The following ACSS1 variants were observed in gnomAD, a reference collection of about 807,000 sequenced individuals.
ACSS1 encodes acetyl-coenzyme A synthetase 2-like, mitochondrial.
ACSS1 carries 42 observed loss-of-function variants against 75.3 expected under a neutral mutation model. The observed-to-expected ratio is 0.56, with a 90% CI of 0.44 to 0.72. ACSS1 has a LOEUF of 0.72. Among genes scored for constraint, ACSS1 ranks in the 30% least tolerant of loss-of-function variants. The probability of loss-of-function intolerance (pLI) is 0.00; values close to 1 mark genes in which losing one functional copy is unlikely to be tolerated. For missense variants in ACSS1, 782 were observed against 935.7 expected, an observed-to-expected ratio of 0.84 and a Z score of 2.14; for synonymous variants, 380 against 376.8, an observed-to-expected ratio of 1.01 and a Z score of -0.10.
chr20:25,023,232 G>C, intron 4 of ACSS1, 140 bp from the exon 5 acceptor site: 1 of 1,239,210 alleles, frequency 8.1e-7, no homozygotes, highest in Non-Finnish European at 1.1e-6. Flanking sequence ...TCCAAATGTG[G>C]AAAGGACACA....
chr20:25,053,142 C>A (rs140959464), intron 1 of ACSS1, among the ~76,000 whole-genome samples: 1 of 149,520 alleles, frequency 6.7e-6, no homozygotes, highest in African/African-American at 2.5e-5. Flanking sequence ...CAGCTCACTG[C>A]AACCTCCACC....
At position 25,022,971 on chromosome 20, in the gene ACSS1, C is replaced by T. The variant is rs1286209100; in HGVS notation, c.929G>A (p.Gly310Asp). ...MPKGIVHTQA[G>D]YLLYAALTHK... The stretch of plus-strand genomic sequence containing the variant: ...AGTCAGGGCGGCATAGAGCAGGTAG[C>T]CTGCCTGGGTATGGACGATGCCCTT... Residue 310 changes from glycine to aspartate, a missense_variant, in exon 5 of 14, where the codon GGC becomes GAC. Gly to Asp is a moderately conservative substitution (Grantham distance 94). Coordinates refer to ENST00000323482, the MANE Select transcript of ACSS1 (RefSeq NM_032501.4). The T allele has an allele frequency of 6.2e-7, 1 of 1,613,788 alleles. No homozygotes were observed. Among genetic ancestry groups the T allele is most frequent in the Non-Finnish European group, 8.5e-7 (1 of 1,179,984 alleles).
At chr20:25,031,330 A>G (rs1426669341) in intron 2 of ACSS1, among the ~76,000 whole-genome samples, 2 of 152,192 alleles carry the variant, frequency 1.3e-5, no homozygotes, top group Non-Finnish European at 2.9e-5. Flanking sequence ...CCACAGTCAT[A>G]AGATGTTTAC....
At position 25,036,209 on chromosome 20, in the gene ACSS1, C is replaced by T. The variant is rs76444088; in HGVS notation, c.432-5251G>A. 6.3e-3 allele frequency among the ~76,000 whole-genome samples: 954 copies of T among 152,266 alleles called. 16 individuals are homozygous for T. Among genetic ancestry groups the T allele is most frequent in the African/African-American group, 0.021 (891 of 41,540 alleles). On this transcript the variant is annotated intron_variant, in intron 2 of 13. Coordinates refer to ENST00000323482, the MANE Select transcript of ACSS1 (RefSeq NM_032501.4). Reference sequence around the variant, plus strand: ...TGCCGGGTCAAGCTTTTGGTGCAGACGTATGCAAATGATGTGCACAAAAAT... The same window carrying T: ...TGCCGGGTCAAGCTTTTGGTGCAGATGTATGCAAATGATGTGCACAAAAAT...
At chr20:25,047,005 C>A in intron 2 of ACSS1, 1 of 748,712 alleles carries the variant, frequency 1.3e-6, no homozygotes, top group Non-Finnish European at 2.5e-6. Flanking sequence ...AGGGGAGGAA[C>A]GAGCAGGACA....
chr20:25,018,145 C>A (rs896401659), intron 7 of ACSS1, among the ~76,000 whole-genome samples: 32 of 152,328 alleles, frequency 2.1e-4, no homozygotes, highest in African/African-American at 7.7e-4. Context: ...AGAGGTGGAA[C>A]CTTTATGAGG....
At chr20:25,031,100 C>T in intron 2 of ACSS1, 142 bp from the exon 3 acceptor site, 1 of 830,962 alleles carries the variant, frequency 1.2e-6, no homozygotes, top group South Asian at 1.5e-5. Flanking sequence ...ATACTTAATG[C>T]ATGGAAAGTA....
intron 1 of ACSS1, among the ~76,000 whole-genome samples, chr20:25,048,625 C>T (rs1348017934): frequency 6.6e-6 from 1 of 152,206 alleles, no homozygotes; most frequent in East Asian, 1.9e-4. Context: ...CCTGCAGTTC[C>T]CATGTGCCCA....
intron 2 of ACSS1, among the ~76,000 whole-genome samples, chr20:25,031,761 C>T (rs1600330340): frequency 6.6e-6 from 1 of 152,326 alleles, no homozygotes; most frequent in East Asian, 1.9e-4. Flanking sequence ...GCAGCAGCTT[C>T]TCAGGGACCA....
chr20:25,009,640 C>T, intron 12 of ACSS1: 1 of 497,332 alleles, frequency 2.0e-6, no homozygotes, highest in East Asian at 3.8e-5. Flanking sequence ...CTTGGCATCT[C>T]AGCTCTAATG....
chr20:25,047,661 G>A (rs888776035), intron 2 of ACSS1, among the ~76,000 whole-genome samples: 20 of 152,208 alleles, frequency 1.3e-4, no homozygotes, highest in African/African-American at 4.1e-4. Context: ...TCAGGCAAAC[G>A]GGGTTTGCAT....
In ACSS1 at chr20:25,007,841, G is replaced by T. The variant is rs2088336166; in HGVS notation, c.1991C>A (p.Thr664Asn). The part of the protein sequence containing the change: ...SEAQELGDTT[T>N]LEDPSIIAEI... ...TGCGATGATGCTGGGGTCCTCCAAG[G>T]TGGTAGTGTCTCCCAGCTCCTGGGC... The change falls in exon 14 of 14, where the codon ACC becomes AAC. Residue 664 changes from threonine (T) to asparagine (N), a missense_variant. Thr to Asn is a moderately conservative substitution (Grantham distance 65, BLOSUM62 0). Transcript: ENST00000323482. The T allele has an allele frequency of 6.2e-7, 1 of 1,614,082 alleles. No individual in the cohort carries two copies. Among genetic ancestry groups the T allele is most frequent in the Admixed American group, 1.7e-5 (1 of 60,008 alleles).
intron 6 of ACSS1, among the ~76,000 whole-genome samples, 182 bp from the exon 7 acceptor site, chr20:25,020,329 G>C (rs981139203): frequency 2.0e-5 from 3 of 151,126 alleles, no homozygotes; most frequent in Admixed American, 6.6e-5. Context: ...CATGGGACAG[G>C]TCCCCAATGG....
chr20:25,021,473 C>T lies in ACSS1; in HGVS notation c.1024G>A (p.Gly342Arg). 1 of 1,614,232 alleles carries T rather than the reference C, an allele frequency of 6.2e-7. No individual in the cohort carries two copies. Among genetic ancestry groups the T allele is most frequent in the Non-Finnish European group, 8.5e-7 (1 of 1,180,038 alleles). ...GGCCCATACACCACGTAGCTGTGTC[C>T]TGTAATCCAACCGATGTCGGCCACA... The part of the protein sequence containing the change: ...GCVADIGWIT[G>R]HSYVVYGPLC... Residue 342 changes from glycine to arginine, a missense_variant, in exon 6 of 14, where the codon GGA (glycine) becomes AGA (arginine). Coordinates refer to ENST00000323482, the MANE Select transcript of ACSS1 (RefSeq NM_032501.4).
chr20:25,046,997 G>A (rs2089103572), intron 2 of ACSS1: 4 of 758,878 alleles, frequency 5.3e-6, no homozygotes, highest in East Asian at 2.5e-5. Context: ...GGGGGCCGAG[G>A]GGAGGAACGA....
intron 2 of ACSS1, among the ~76,000 whole-genome samples, chr20:25,044,254 A>C (rs1432569267): frequency 6.6e-6 from 1 of 152,214 alleles, no homozygotes; most frequent in Non-Finnish European, 1.5e-5. Flanking sequence ...AAAGAGAGGA[A>C]CTTGCATTTC....
Position 25,020,126 on chromosome 20 carries a change from TCTACTGTCTCCCAGTACCGAC to T in ACSS1, c.1109_1129del (p.Gly370_Val376del). On this transcript the variant is annotated inframe_deletion and splice_region_variant, in exon 7 of 14. Transcript: ENST00000323482. ...ATAGAACTGATTGATCTTCAACCTC[TCTACTGTCTCCCAGTACCGAC>T]CTACAGAAAGGCCGAAATTCACTGT... The T allele has an allele frequency of 6.8e-6, 11 of 1,614,244 alleles. No homozygotes were observed. Among genetic ancestry groups the T allele is most frequent in the Non-Finnish European group, 9.3e-6 (11 of 1,180,042 alleles).
At chr20:25,024,159 G>A (rs2088674495) in intron 3 of ACSS1, among the ~76,000 whole-genome samples, 1 of 152,206 alleles carries the variant, frequency 6.6e-6, no homozygotes, top group Non-Finnish European at 1.5e-5. Flanking sequence ...CCACACCCCA[G>A]TGGATGACTG....
chr20:25,053,210 T>C (rs975938075), intron 1 of ACSS1, among the ~76,000 whole-genome samples: 7 of 150,660 alleles, frequency 4.6e-5, no homozygotes, highest in African/African-American at 1.7e-4. Context: ...ACTACAGGTA[T>C]GCACCACCAC....
Sources: gnomAD v4.1 joint callset for allele counts (sites outside exome capture counted in the v4.1 genomes callset) on GRCh38, gnomAD v4.1.1 for gene constraint, MANE v1.5 for transcripts, NCBI Gene and HGNC (gene_info 2026-07-23, HGNC 2026-07-21) for gene names.